LINC00632: variants seen among roughly 807,000 people sequenced by gnomAD.
LINC00632 encodes the protein ALDOA related specific transcript.
intron 3 of LINC00632, among the ~76,000 whole-genome samples, chrX:140,771,260 T>G: frequency 1.0e-5 from 1 of 98,414 alleles, no homozygotes; most frequent in Non-Finnish European, 1.9e-5. Flanking sequence ...TGAAGCAACT[T>G]TATGGCAAAA....
exon 4 of LINC00632, chrX:140,772,504 C>T (rs946043988): frequency 6.9e-6 from 2 of 289,531 alleles, no homozygotes; most frequent in African/African-American, 5.6e-5. Context: ...AGCAAAAGAA[C>T]AAGGAGAGGG....
chrX:140,741,391 C>T lies in LINC00632; in HGVS notation n.191+7427C>T, dbSNP rs763822621. 3.6e-5 allele frequency among the ~76,000 whole-genome samples: 4 copies of T among 111,729 alleles called. No individual in the cohort carries two copies. In the East Asian group the frequency reaches 8.5e-4, roughly 24 times the overall value. The stretch of plus-strand genomic sequence containing the variant: ...GCCTTTAAAATTTCAAGAGTCCAAC[C>T]AGGGCATCCCACTGTTGTCAAAAGG... On this transcript the variant is annotated intron_variant and non_coding_transcript_variant, in intron 3 of 4. Coordinates refer to ENST00000648200, the Ensembl canonical transcript of LINC00632.
chrX:140,747,298 C>T (rs1931339969), intron 3 of LINC00632, among the ~76,000 whole-genome samples: 1 of 110,712 alleles, frequency 9.0e-6, no homozygotes, highest in East Asian at 2.9e-4. Flanking sequence ...GAGGCCAAGG[C>T]GGGTGGATTT....
chrX:140,790,675 C>T (rs752429619), exon 5 of LINC00632, among the ~76,000 whole-genome samples: 199 of 110,692 alleles, frequency 1.8e-3, no homozygotes, highest in African/African-American at 6.0e-3. Flanking sequence ...CATCTAGTAA[C>T]GAGGGATCTG....
intron 3 of LINC00632, among the ~76,000 whole-genome samples, chrX:140,754,886 T>C (rs1158660209): frequency 9.1e-6 from 1 of 110,027 alleles, no homozygotes; most frequent in Non-Finnish European, 1.9e-5. Context: ...TCACCCTCAC[T>C]GAAGTCTGCC....
chrX:140,786,814 T>C (rs1932025617), exon 5 of LINC00632, among the ~76,000 whole-genome samples: 1 of 111,804 alleles, frequency 8.9e-6, no homozygotes, highest in Admixed American at 9.5e-5. Flanking sequence ...AAATGTGCCA[T>C]GTACCTATGA....
At chrX:140,790,298 A>AGTC (rs1932088591) in exon 5 of LINC00632, among the ~76,000 whole-genome samples, 1 of 105,530 alleles carries the variant, frequency 9.5e-6, no homozygotes, top group African/African-American at 3.3e-5. Context: ...CAGAAGAGAG[A>AGTC]GTCAGTTTTT....
At chrX:140,731,523 G>A (rs2148385311) in intron 2 of LINC00632, among the ~76,000 whole-genome samples, 1 of 111,726 alleles carries the variant, frequency 9.0e-6, no homozygotes, top group African/African-American at 3.2e-5. Context: ...CCAATCTTCA[G>A]CTCCTCACTT....
chrX:140,787,604 C>T (rs1169199450), exon 5 of LINC00632, among the ~76,000 whole-genome samples: 5 of 111,231 alleles, frequency 4.5e-5, no homozygotes, highest in Non-Finnish European at 9.5e-5. Context: ...CCAAACAAGA[C>T]CATGTGCATC....
At chrX:140,758,426 T>C (rs1352553403) in intron 3 of LINC00632, among the ~76,000 whole-genome samples, 1 of 102,370 alleles carries the variant, frequency 9.8e-6, no homozygotes, top group Non-Finnish European at 2.0e-5. Flanking sequence ...CAGGCTAGAG[T>C]GCAATAGTGT....
At chrX:140,736,677 C>T (rs746797501) in intron 3 of LINC00632, among the ~76,000 whole-genome samples, 16 of 108,304 alleles carry the variant, frequency 1.5e-4, no homozygotes, top group Non-Finnish European at 2.1e-4. Flanking sequence ...CCTCGTGATC[C>T]GCCCATCTAG....
exon 5 of LINC00632, chrX:140,784,639 T>C (rs1367683226): frequency 4.9e-6 from 2 of 407,570 alleles, no homozygotes; most frequent in Non-Finnish European, 8.7e-6. Flanking sequence ...ATTCAGGTCT[T>C]CCAGTGTCTG....
chrX:140,727,989 C>A (rs1315454111), intron 2 of LINC00632, among the ~76,000 whole-genome samples: 2 of 111,491 alleles, frequency 1.8e-5, no homozygotes, highest in Non-Finnish European at 3.8e-5. Context: ...GCCTGTAATC[C>A]CAGCACCTTG....
intron 2 of LINC00632, among the ~76,000 whole-genome samples, chrX:140,720,631 C>G (rs1201738988): frequency 8.9e-6 from 1 of 111,805 alleles, no homozygotes; most frequent in Non-Finnish European, 1.9e-5. Flanking sequence ...GTAACACATG[C>G]CAACTTCTCC....
chrX:140,758,958 T>C (rs1411607821), intron 3 of LINC00632, among the ~76,000 whole-genome samples: 1 of 86,124 alleles, frequency 1.2e-5, no homozygotes, highest in East Asian at 4.4e-4. Flanking sequence ...ATTTTTCTTT[T>C]CTTTTCTTTT....
At chrX:140,715,119 T>C (rs1397808360) in intron 2 of LINC00632, among the ~76,000 whole-genome samples, 3 of 111,436 alleles carry the variant, frequency 2.7e-5, no homozygotes, top group African/African-American at 9.8e-5. Flanking sequence ...ACACCTAATC[T>C]TTCTTTAAGG....
chrX:140,755,836 A>C (rs1013126688), intron 3 of LINC00632, among the ~76,000 whole-genome samples: 1 of 111,392 alleles, frequency 9.0e-6, no homozygotes, highest in African/African-American at 3.3e-5. Flanking sequence ...ACCACAGTAC[A>C]CATTTTGCAG....
At chrX:140,769,175 A>G (rs1473098871) in intron 3 of LINC00632, among the ~76,000 whole-genome samples, 1 of 111,655 alleles carries the variant, frequency 9.0e-6, no homozygotes, top group African/African-American at 3.3e-5. Context: ...AGTAAGCACA[A>G]CACAGCAGAG....
At chrX:140,771,856 A>AT (rs1469147087) in intron 3 of LINC00632, among the ~76,000 whole-genome samples, 1 of 105,414 alleles carries the variant, frequency 9.5e-6, no homozygotes, top group African/African-American at 3.4e-5. Context: ...ATTTTTTTGC[A>AT]TTTTTAGTAG....
Sources: gnomAD v4.1 joint callset for allele counts (sites outside exome capture counted in the v4.1 genomes callset) on GRCh38, gnomAD v4.1.1 for gene constraint, MANE v1.5 for transcripts, NCBI Gene and HGNC (gene_info 2026-07-23, HGNC 2026-07-21) for gene names.